KLF12: variants seen among roughly 807,000 people sequenced by gnomAD.
KLF12 encodes the protein KLF transcription factor 12.
Under a neutral mutation model 37.8 loss-of-function variants are expected in KLF12, and 9 were observed. The observed-to-expected ratio is 0.24, with a 90% CI of 0.14 to 0.42. The LOEUF (loss-of-function observed/expected upper bound fraction) is 0.42, where lower values mean the gene tolerates loss of function less well. Among genes scored for constraint, KLF12 ranks in the 10% least tolerant of loss-of-function variants. The probability of loss-of-function intolerance (pLI) is 1.00; values close to 1 mark genes in which losing one functional copy is unlikely to be tolerated. For missense variants in KLF12, 411 were observed against 516.0 expected (o/e 0.80, Z 1.97); for synonymous variants, 208 against 202.1 (o/e 1.03, Z -0.25).
At chr13:74,168,130 G>T in the KLF12 span, among the ~76,000 whole-genome samples, 1 of 152,184 alleles carries the variant, frequency 6.6e-6, no homozygotes, top group South Asian at 2.1e-4. Context: ...TTAAGCCAAT[G>T]AATTGTAGCA....
At chr13:73,773,355 T>C (rs190113164) in intron 5 of KLF12, among the ~76,000 whole-genome samples, 67 of 152,294 alleles carry the variant, frequency 4.4e-4, no homozygotes, top group South Asian at 2.3e-3. Context: ...CATTTCAGGC[T>C]CATATGATCT....
At chr13:74,113,265 A>T (rs935961132) in intron 1 of KLF12, among the ~76,000 whole-genome samples, 4 of 152,252 alleles carry the variant, frequency 2.6e-5, no homozygotes, top group African/African-American at 9.6e-5. Context: ...ATGAAGGTGA[A>T]TATACTAAAA....
chr13:74,086,426 T>C (rs978309046), intron 1 of KLF12, among the ~76,000 whole-genome samples: 2 of 152,076 alleles, frequency 1.3e-5, no homozygotes, highest in African/African-American at 4.8e-5. Context: ...ATTTCATCCA[T>C]GTCCCTACAA....
intron 3 of KLF12, among the ~76,000 whole-genome samples, chr13:73,868,327 T>G (rs371269735): frequency 7.8e-4 from 28 of 35,996 alleles, no homozygotes; most frequent in Admixed American, 8.2e-4. Flanking sequence ...GCGGGGGCGG[T>G]GGGGGGGGGG....
chr13:73,835,589 C>T (rs944552023), intron 4 of KLF12, among the ~76,000 whole-genome samples: 6 of 151,784 alleles, frequency 4.0e-5, no homozygotes, highest in African/African-American at 1.5e-4. Context: ...GCAGAAAGGG[C>T]AAGGAAAAGG....
intron 6 of KLF12, among the ~76,000 whole-genome samples, chr13:73,726,229 A>C (rs1876658956): frequency 6.6e-6 from 1 of 152,190 alleles, no homozygotes. Context: ...AGCTGACCCA[A>C]TGTCCAATAC....
At chr13:74,002,336 T>C (rs1035367197) in intron 1 of KLF12, among the ~76,000 whole-genome samples, 7 of 152,236 alleles carry the variant, frequency 4.6e-5, no homozygotes, top group Non-Finnish European at 8.8e-5. Context: ...TAACATTTGT[T>C]TAGAATGACA....
intron 1 of KLF12, among the ~76,000 whole-genome samples, chr13:74,065,172 T>C (rs1394930949): frequency 6.7e-6 from 1 of 150,366 alleles, no homozygotes; most frequent in African/African-American, 2.4e-5. Flanking sequence ...ACAATCTGCA[T>C]ATATGTATAT....
intron 1 of KLF12, among the ~76,000 whole-genome samples, chr13:73,998,046 T>C (rs977978238): frequency 3.3e-5 from 5 of 152,166 alleles, no homozygotes; most frequent in African/African-American, 1.2e-4. Context: ...CCTTTCTCTT[T>C]TTCTGTCTTG....
In KLF12 at chr13:73,803,814, A is replaced by G. The variant is rs1002301823; in HGVS notation, c.806+9338T>C. Reference sequence around the variant, plus strand: ...CACACACACACACACACACACACACACACTTTGTACCATAAATTCCTGTGC... The same window carrying G: ...CACACACACACACACACACACACACGCACTTTGTACCATAAATTCCTGTGC... On this transcript the variant is annotated intron_variant, in intron 5 of 7. Transcript: ENST00000377669. 1.6e-4 allele frequency among the ~76,000 whole-genome samples: 21 copies of G among 133,996 alleles called. No individual in the cohort carries two copies. In the Admixed American group the frequency reaches 1.6e-3, roughly 10 times the overall value. 87.9% of individuals were successfully genotyped at this position (133,996 alleles called of 152,430 possible). A position where few individuals can be genotyped will look rare whatever the true frequency, so the allele number is the denominator to read the frequency against.
At chr13:73,915,365 G>T (rs1888770018) in intron 3 of KLF12, among the ~76,000 whole-genome samples, 1 of 152,116 alleles carries the variant, frequency 6.6e-6, no homozygotes, top group Admixed American at 6.6e-5. Context: ...TATCTTTAGA[G>T]GTCACTATTC....
At position 73,944,012 on chromosome 13, in the gene KLF12, A is replaced by G; in HGVS notation, c.92T>C (p.Val31Ala). Reference sequence around the variant, plus strand: ...TTCAGATTCCAAAAGCTCTGTTTTGACTCTGACTGCCGGCATCCCATCAAG... The same window carrying G: ...TTCAGATTCCAAAAGCTCTGTTTTGGCTCTGACTGCCGGCATCCCATCAAG... The change falls in exon 3 of 8, where the codon GTC (valine) becomes GCC (alanine). Residue 31 changes from valine (V) to alanine (A), a missense_variant. Val to Ala is a moderately conservative substitution (Grantham distance 64, BLOSUM62 0). Coordinates refer to ENST00000377669, the MANE Select transcript of KLF12 (RefSeq NM_007249.5). 1 of 1,613,026 alleles carries G rather than the reference A, an allele frequency of 6.2e-7. No homozygotes were observed. Among genetic ancestry groups the G allele is most frequent in the Middle Eastern group, 1.7e-4 (1 of 6,060 alleles).
intron 1 of KLF12, among the ~76,000 whole-genome samples, chr13:74,127,078 C>T (rs890241137): frequency 1.3e-5 from 2 of 152,110 alleles, no homozygotes; most frequent in Non-Finnish European, 2.9e-5. Flanking sequence ...GATCATAGCT[C>T]GTTGTAGCCC....
chr13:74,134,280 G>A (rs1878443053), upstream of KLF12, among the ~76,000 whole-genome samples: 1 of 152,030 alleles, frequency 6.6e-6, no homozygotes, highest in Non-Finnish European at 1.5e-5. Context: ...GAGCCCCGGG[G>A]TGGGGCCGAG....
the KLF12 span, among the ~76,000 whole-genome samples, chr13:74,302,022 G>A: frequency 6.6e-6 from 1 of 152,098 alleles, no homozygotes. Context: ...ATAACCTCCA[G>A]GAAAAGATCT....
At chr13:74,170,090 ACTGCAAAC>A in the KLF12 span, among the ~76,000 whole-genome samples, 2 of 151,966 alleles carry the variant, frequency 1.3e-5, no homozygotes, top group African/African-American at 4.8e-5. Flanking sequence ...ACCTATAGAC[ACTGCAAAC>A]CACAACCATT....
At chr13:74,220,047 C>T in the KLF12 span, among the ~76,000 whole-genome samples, 1 of 152,106 alleles carries the variant, frequency 6.6e-6, no homozygotes, top group African/African-American at 2.4e-5. Context: ...ACTTTTTCCT[C>T]TTCTGGAAAC....
At chr13:74,097,589 T>A (rs1368326811) in intron 1 of KLF12, among the ~76,000 whole-genome samples, 2 of 152,150 alleles carry the variant, frequency 1.3e-5, no homozygotes, top group African/African-American at 4.8e-5. Context: ...TTCACTGTTT[T>A]ACCAAATTCA....
chr13:74,002,043 C>T (rs1204231869), intron 1 of KLF12, among the ~76,000 whole-genome samples: 2 of 152,224 alleles, frequency 1.3e-5, no homozygotes, highest in African/African-American at 4.8e-5. Context: ...GACATGTTGA[C>T]ATAGTGGTCC....
Sources: gnomAD v4.1 joint callset for allele counts (sites outside exome capture counted in the v4.1 genomes callset) on GRCh38, gnomAD v4.1.1 for gene constraint, MANE v1.5 for transcripts, NCBI Gene and HGNC (gene_info 2026-07-23, HGNC 2026-07-21) for gene names.